The following ZMYND8 variants were observed in gnomAD, a reference collection of about 807,000 sequenced individuals.
The protein encoded by ZMYND8 is MYND-type zinc finger-containing chromatin reader ZMYND8.
Under a neutral mutation model 140.8 loss-of-function variants are expected in ZMYND8, and 37 were observed. The observed-to-expected ratio is 0.26, with a 90% CI of 0.20 to 0.35. ZMYND8 has a LOEUF of 0.35. Among genes scored for constraint, ZMYND8 ranks in the 10% least tolerant of loss-of-function variants. The probability of loss-of-function intolerance (pLI) is 1.00; values close to 1 mark genes in which losing one functional copy is unlikely to be tolerated. For synonymous variants in ZMYND8, 592 were observed against 597.1 expected (o/e 0.99, Z 0.12); for missense variants, 1,068 against 1,570.0 (o/e 0.68, Z 5.40).
intron 2 of ZMYND8, among the ~76,000 whole-genome samples, chr20:47,342,553 A>G (rs1251981510): frequency 6.9e-6 from 1 of 145,386 alleles, no homozygotes; most frequent in Non-Finnish European, 1.5e-5. Context: ...GTCTCAAAGA[A>G]AAAAAAAAAA....
intron 2 of ZMYND8, among the ~76,000 whole-genome samples, chr20:47,317,381 C>T (rs1372331730): frequency 6.6e-6 from 1 of 152,134 alleles, no homozygotes; most frequent in Non-Finnish European, 1.5e-5. Context: ...CAGCAGGCCA[C>T]ATCAGGTACC....
chr20:47,224,994 T>C (rs535886203), intron 18 of ZMYND8, among the ~76,000 whole-genome samples: 6 of 152,344 alleles, frequency 3.9e-5, no homozygotes, highest in East Asian at 1.9e-4. Flanking sequence ...TTAACTCATA[T>C]AACCCTCATC....
intron 14 of ZMYND8, among the ~76,000 whole-genome samples, chr20:47,241,762 A>G (rs2039995780): frequency 6.6e-6 from 1 of 151,574 alleles, no homozygotes; most frequent in East Asian, 1.9e-4. Flanking sequence ...ATCTTGGACT[A>G]TGCTCCCTGA....
intron 20 of ZMYND8, 41 bp from the exon 21 acceptor site, chr20:47,220,365 G>C (rs2036764060): frequency 6.7e-7 from 1 of 1,493,128 alleles, no homozygotes; most frequent in Admixed American, 2.0e-5. Context: ...AAGGCACTGA[G>C]GCTACTGTCG....
chr20:47,223,601 G>T (rs988245975), intron 19 of ZMYND8, among the ~76,000 whole-genome samples: 1 of 152,004 alleles, frequency 6.6e-6, no homozygotes, highest in African/African-American at 2.4e-5. Flanking sequence ...AAGGTAGGTG[G>T]ATCACCTGAG....
chr20:47,322,196 G>A (rs545244088), intron 2 of ZMYND8, among the ~76,000 whole-genome samples: 239 of 152,108 alleles, frequency 1.6e-3, no homozygotes, highest in Non-Finnish European at 2.1e-3. Context: ...AAAGCCCAGA[G>A]AAAACCAGGC....
At chr20:47,356,434 T>G (rs2083248092) in intron 1 of ZMYND8, 3 of 1,540,046 alleles carry the variant, frequency 1.9e-6, no homozygotes, top group Non-Finnish European at 2.6e-6. Flanking sequence ...GAAGGAAAGG[T>G]GTGCCAGGCC....
At chr20:47,232,721 C>T (rs922989136) in intron 16 of ZMYND8, among the ~76,000 whole-genome samples, 2 of 151,968 alleles carry the variant, frequency 1.3e-5, no homozygotes, top group East Asian at 1.9e-4. Context: ...TAAGGACAAC[C>T]GAAGGTAGAA....
intron 3 of ZMYND8, among the ~76,000 whole-genome samples, chr20:47,306,336 A>G (rs1468105820): frequency 6.6e-6 from 1 of 152,008 alleles, no homozygotes; most frequent in Non-Finnish European, 1.5e-5. Context: ...TCGAGCCTGC[A>G]GAGCCGGGGA....
At chr20:47,221,257 A>G (rs1255276116) in intron 20 of ZMYND8, 57 bp downstream of exon 20, 2 of 1,597,148 alleles carry the variant, frequency 1.3e-6, no homozygotes, top group East Asian at 2.2e-5. Flanking sequence ...GGGGGTCCTA[A>G]GTCCACTTGG....
At chr20:47,275,344 T>C (rs964698036) in intron 11 of ZMYND8, among the ~76,000 whole-genome samples, 3 of 151,798 alleles carry the variant, frequency 2.0e-5, no homozygotes, top group Admixed American at 6.6e-5. Context: ...ATACAAAAAT[T>C]AGCTGGACAT....
chr20:47,355,219 G>A (rs1042679069), intron 1 of ZMYND8, among the ~76,000 whole-genome samples: 6 of 152,170 alleles, frequency 3.9e-5, no homozygotes, highest in Admixed American at 3.9e-4. Context: ...TTTCTCCCCT[G>A]ACTCAGGGTA....
intron 2 of ZMYND8, among the ~76,000 whole-genome samples, chr20:47,343,822 GC>G (rs1467908546): frequency 2.0e-5 from 3 of 152,060 alleles, no homozygotes; most frequent in African/African-American, 7.2e-5. Flanking sequence ...TCAAGCCTCT[GC>G]TTTCGAGGAG....
chr20:47,255,708 T>C lies in ZMYND8; in HGVS notation c.1622-6269A>G, dbSNP rs1189958193. ...GTGTGTGTATATATATATATATATA[T>C]ACCGTGTATGTGTGTATATATATAT... On this transcript the variant is annotated intron_variant, in intron 12 of 22. Transcript: ENST00000471951. 4.3e-5 allele frequency among the ~76,000 whole-genome samples: 5 copies of C among 115,068 alleles called. 1 individual carries two copies. Among genetic ancestry groups the C allele is most frequent in the Non-Finnish European group, 5.2e-5 (3 of 57,554 alleles). 75.5% of individuals were successfully genotyped at this position (115,068 alleles called of 152,430 possible).
intron 3 of ZMYND8, among the ~76,000 whole-genome samples, chr20:47,306,401 G>C (rs1018215452): frequency 1.3e-5 from 2 of 151,872 alleles, no homozygotes; most frequent in African/African-American, 4.8e-5. Context: ...CTGGGCAGCA[G>C]AGTGAGACCC....
At chr20:47,287,925 T>A (rs987381718) in intron 7 of ZMYND8, among the ~76,000 whole-genome samples, 3 of 152,144 alleles carry the variant, frequency 2.0e-5, no homozygotes, top group Admixed American at 2.0e-4. Context: ...GGACAAAATG[T>A]GCCCATTTAA....
At chr20:47,324,016 T>C (rs967567042) in intron 2 of ZMYND8, among the ~76,000 whole-genome samples, 8 of 150,708 alleles carry the variant, frequency 5.3e-5, no homozygotes, top group African/African-American at 2.0e-4. Context: ...CTGGCCAACA[T>C]GGTGAAAACC....
At chr20:47,278,517 C>G (rs545986016) in intron 10 of ZMYND8, among the ~76,000 whole-genome samples, 2 of 151,994 alleles carry the variant, frequency 1.3e-5, no homozygotes, top group Non-Finnish European at 2.9e-5. Flanking sequence ...TACATTTTAC[C>G]CCCATTTCAA....
chr20:47,345,665 G>A (rs1316700253), intron 2 of ZMYND8, among the ~76,000 whole-genome samples: 1 of 151,942 alleles, frequency 6.6e-6, no homozygotes, highest in Non-Finnish European at 1.5e-5. Context: ...ATGCTGCCAC[G>A]CCCAGATAAT....
Sources: allele counts gnomAD v4.1 joint callset (sites outside exome capture counted in the v4.1 genomes callset), GRCh38; gene constraint gnomAD v4.1.1; transcripts MANE v1.5; gene names NCBI Gene and HGNC (gene_info 2026-07-23, HGNC 2026-07-21).